Variants in CDK14 observed in about 807,000 individuals in gnomAD.
CDK14 encodes the protein cyclin-dependent kinase 14.
In CDK14, 34 loss-of-function variants were observed where a neutral mutation model predicts 60.7. That is an observed-to-expected ratio of 0.56 (90% CI 0.43 to 0.75). The LOEUF is 0.75. Ranked by LOEUF, CDK14 falls within the 30% of genes least tolerant of loss-of-function variation. The pLI is 0.00. For synonymous variants in CDK14, 197 were observed against 203.7 expected, an observed-to-expected ratio of 0.97 and a Z score of 0.28; for missense variants, 482 against 564.1, an observed-to-expected ratio of 0.85 and a Z score of 1.47.
chr7:90,601,669 T>A (rs1799315310), intron 1 of CDK14, among the ~76,000 whole-genome samples: 1 of 152,214 alleles, frequency 6.6e-6, no homozygotes, highest in Admixed American at 6.5e-5. Context: ...GTTTGGTTGT[T>A]CAAGGAATTC....
At chr7:90,820,951 C>T (rs1180812392) in intron 5 of CDK14, among the ~76,000 whole-genome samples, 2 of 152,120 alleles carry the variant, frequency 1.3e-5, no homozygotes, top group Non-Finnish European at 2.9e-5. Flanking sequence ...CATGTTAGAC[C>T]CTCCTCACAA....
At chr7:91,183,168 GT>G (rs1214700847) in intron 14 of CDK14, among the ~76,000 whole-genome samples, 1 of 152,194 alleles carries the variant, frequency 6.6e-6, no homozygotes, top group African/African-American at 2.4e-5. Context: ...GAGTAATTTT[GT>G]TTTTGTTGGC....
chr7:90,686,032 C>G (rs1454856882), intron 2 of CDK14, among the ~76,000 whole-genome samples: 1 of 152,072 alleles, frequency 6.6e-6, no homozygotes, highest in Non-Finnish European at 1.5e-5. Context: ...TTGAGTTTAA[C>G]AAACAGCGCA....
Position 90,649,240 on chromosome 7 carries a change from C to CTTTCTTTCTTTCTTTG in CDK14, c.123+45006_123+45007insGTTTCTTTCTTTCTTT, listed in dbSNP as rs1357866146. Among the ~76,000 whole-genome samples the CTTTCTTTCTTTCTTTG allele has an allele frequency of 3.3e-4, 10 of 30,290 alleles. No homozygotes were observed. In the East Asian group the frequency reaches 4.5e-3, roughly 14 times the overall value. The allele number at this position is 30,290 out of a possible 152,430, so 19.9% of individuals were successfully genotyped here. ...CAGCAACAGCTCTAGCCTATAGTTT[C>CTTTCTTTCTTTCTTTG]TTTCTTTCTTTCTTTCTTTCTTTCT... is the stretch of plus-strand genomic sequence containing the variant. On this transcript the variant is annotated intron_variant, in intron 2 of 14. Transcript: ENST00000380050.
At chr7:90,665,578 A>G (rs545111415) in intron 2 of CDK14, among the ~76,000 whole-genome samples, 10 of 152,360 alleles carry the variant, frequency 6.6e-5, no homozygotes, top group Non-Finnish European at 1.3e-4. Context: ...AAATGATGAT[A>G]GAGTAGCTTT....
intron 12 of CDK14, among the ~76,000 whole-genome samples, chr7:91,108,496 T>A (rs923854651): frequency 6.6e-6 from 1 of 152,356 alleles, no homozygotes; most frequent in African/African-American, 2.4e-5. Flanking sequence ...AATACTTGTA[T>A]GTTTTTAATG....
At chr7:91,034,304 CT>C (rs1320206521) in intron 10 of CDK14, among the ~76,000 whole-genome samples, 1 of 152,140 alleles carries the variant, frequency 6.6e-6, no homozygotes, top group East Asian at 1.9e-4. Flanking sequence ...CTTGCTGCAC[CT>C]TGGACCAGTT....
At chr7:91,199,479 G>A (rs1802650670) in intron 14 of CDK14, among the ~76,000 whole-genome samples, 1 of 152,098 alleles carries the variant, frequency 6.6e-6, no homozygotes, top group Admixed American at 6.6e-5. Context: ...AATATGACCA[G>A]TGTTTTCCAT....
In CDK14 at chr7:91,112,710, T is replaced by A. The variant is rs543625617; in HGVS notation, c.1294+29T>A. 4 of 1,609,054 alleles carry A rather than the reference T, an allele frequency of 2.5e-6. No individual in the cohort carries two copies. In the African/African-American group the frequency reaches 4.0e-5, roughly 16 times the overall value. The stretch of plus-strand genomic sequence containing the variant: ...AGTATGACAAATCCACAACATCCAG[T>A]CCAAGCAGACACATCATTTTATTTT... On this transcript the variant is annotated intron_variant, in intron 13 of 14. Transcript: ENST00000380050.
At chr7:91,195,282 A>C (rs1434195090) in intron 14 of CDK14, among the ~76,000 whole-genome samples, 1 of 152,232 alleles carries the variant, frequency 6.6e-6, no homozygotes, top group Admixed American at 6.5e-5. Flanking sequence ...CGGAACTCCC[A>C]ATGCTACAAT....
intron 4 of CDK14, among the ~76,000 whole-genome samples, chr7:90,760,039 T>G (rs895237689): frequency 3.9e-5 from 6 of 152,188 alleles, no homozygotes; most frequent in Non-Finnish European, 7.4e-5. Flanking sequence ...GACATGAGAT[T>G]TATGTGATTG....
chr7:91,091,737 G>C (rs868653819), intron 12 of CDK14, among the ~76,000 whole-genome samples: 1 of 86,362 alleles, frequency 1.2e-5, no homozygotes, highest in Non-Finnish European at 2.3e-5. Context: ...AAGGAAGGAA[G>C]GAAGGAAGGA....
chr7:91,140,764 T>TA, intron 14 of CDK14, among the ~76,000 whole-genome samples: 1 of 152,288 alleles, frequency 6.6e-6, no homozygotes, highest in Middle Eastern at 3.4e-3. Context: ...GATAAAGTAT[T>TA]TAGCACAATA....
intron 8 of CDK14, among the ~76,000 whole-genome samples, chr7:90,943,666 T>A (rs907354820): frequency 3.9e-5 from 6 of 152,180 alleles, no homozygotes; most frequent in Admixed American, 3.9e-4. Context: ...ATTAAAGTAT[T>A]TTATGTCTGT....
At chr7:91,063,308 T>C (rs1797865310) in intron 11 of CDK14, among the ~76,000 whole-genome samples, 1 of 152,186 alleles carries the variant, frequency 6.6e-6, no homozygotes, top group African/African-American at 2.4e-5. Flanking sequence ...AAAAACTTCG[T>C]TTCCAATACT....
intron 7 of CDK14, among the ~76,000 whole-genome samples, chr7:90,902,491 G>A (rs1324672887): frequency 1.3e-5 from 2 of 152,034 alleles, no homozygotes; most frequent in African/African-American, 2.4e-5. Flanking sequence ...AGGTGTCAAG[G>A]ACATACTTTG....
At chr7:90,830,765 T>C (rs1789888891) in intron 5 of CDK14, among the ~76,000 whole-genome samples, 1 of 152,240 alleles carries the variant, frequency 6.6e-6, no homozygotes, top group Non-Finnish European at 1.5e-5. Flanking sequence ...CAGGCTCTGC[T>C]GCTTTGCTGC....
intron 4 of CDK14, among the ~76,000 whole-genome samples, chr7:90,756,108 AT>A (rs1326226482): frequency 6.6e-6 from 1 of 152,176 alleles, no homozygotes; most frequent in Non-Finnish European, 1.5e-5. Flanking sequence ...CATTTTCCTA[AT>A]CAGTACACCA....
In CDK14 at chr7:90,700,268, AT is replaced by A. The variant is rs1801753385; in HGVS notation, c.124-26294del. Reference sequence around the variant, plus strand: ...ACCACCATGCCCAGCTGATTTTTGTATTTTTAGTAGAGACGGGGTTTCACCA... The same window carrying A: ...ACCACCATGCCCAGCTGATTTTTGTATTTTAGTAGAGACGGGGTTTCACCA... On this transcript the variant is annotated intron_variant, in intron 2 of 14. Transcript: ENST00000380050. Among the ~76,000 whole-genome samples the A allele has an allele frequency of 2.0e-5, 3 of 152,136 alleles. No homozygotes were observed. In the South Asian group the frequency reaches 6.2e-4, roughly 32 times the overall value.
Sources: allele counts gnomAD v4.1 joint callset (sites outside exome capture counted in the v4.1 genomes callset), GRCh38; gene constraint gnomAD v4.1.1; transcripts MANE v1.5; gene names NCBI Gene and HGNC (gene_info 2026-07-23, HGNC 2026-07-21).